DLG2: variants seen among roughly 807,000 people sequenced by gnomAD.
DLG2 encodes the protein disks large homolog 2.
In DLG2, 45 loss-of-function variants were observed where a neutral mutation model predicts 132.5. The ratio of observed to expected loss-of-function variants is 0.34; its 90% confidence interval spans 0.27 to 0.44. DLG2 has a LOEUF of 0.44. Among genes scored for constraint, DLG2 ranks in the 20% least tolerant of loss-of-function variants. The probability of loss-of-function intolerance (pLI) is 1.00; values close to 1 mark genes in which losing one functional copy is unlikely to be tolerated. For missense variants in DLG2, 1,045 were observed against 1,196.9 expected (o/e 0.87, Z 1.87); for synonymous variants, 424 against 419.6 (o/e 1.01, Z -0.13).
intron 4 of DLG2, among the ~76,000 whole-genome samples, chr11:85,245,129 A>G (rs575194065): frequency 3.3e-5 from 5 of 152,000 alleles, no homozygotes; most frequent in African/African-American, 1.2e-4. Context: ...AATATTGAAG[A>G]CTCCAGGAAT....
intron 6 of DLG2, among the ~76,000 whole-genome samples, chr11:84,878,927 C>T (rs552097416): frequency 1.6e-4 from 24 of 152,264 alleles, no homozygotes; most frequent in Middle Eastern, 6.8e-3. Flanking sequence ...ACTAGAATTC[C>T]TGTTTGTCTA....
chr11:85,303,042 G>A (rs1359032783), intron 3 of DLG2, among the ~76,000 whole-genome samples: 2 of 152,168 alleles, frequency 1.3e-5, no homozygotes, highest in Admixed American at 1.3e-4. Context: ...ACCCAGATTT[G>A]TTTGATTCCA....
At chr11:83,674,923 CA>C (rs1226942414) in intron 18 of DLG2, among the ~76,000 whole-genome samples, 1 of 152,238 alleles carries the variant, frequency 6.6e-6, no homozygotes, top group Non-Finnish European at 1.5e-5. Context: ...GGTGGATTGA[CA>C]GCACTGAGAC....
At chr11:84,440,115 T>C (rs1602153397) in intron 7 of DLG2, among the ~76,000 whole-genome samples, 2 of 152,218 alleles carry the variant, frequency 1.3e-5, no homozygotes, top group African/African-American at 2.4e-5. Flanking sequence ...GTGACCTTTT[T>C]TACACACCTG....
At chr11:83,556,973 T>C (rs2096532050) in intron 19 of DLG2, among the ~76,000 whole-genome samples, 5 of 151,720 alleles carry the variant, frequency 3.3e-5, no homozygotes, top group Admixed American at 6.6e-5. Flanking sequence ...GCCCATAATA[T>C]GAAGCCATGA....
At chr11:84,191,222 T>C (rs879046929) in intron 8 of DLG2, among the ~76,000 whole-genome samples, 1 of 152,206 alleles carries the variant, frequency 6.6e-6, no homozygotes, top group Non-Finnish European at 1.5e-5. Flanking sequence ...CCACTTTTTT[T>C]TAATGTATAA....
intron 6 of DLG2, among the ~76,000 whole-genome samples, chr11:85,017,711 G>A (rs1346204198): frequency 1.3e-5 from 2 of 152,148 alleles, no homozygotes; most frequent in African/African-American, 4.8e-5. Context: ...AATGGGAGAA[G>A]AAAAGCTACT....
chr11:84,571,387 T>C (rs2099484340), intron 6 of DLG2, among the ~76,000 whole-genome samples: 1 of 151,934 alleles, frequency 6.6e-6, no homozygotes, highest in Non-Finnish European at 1.5e-5. Context: ...CCTCCTCCTT[T>C]ATCTTTTCCT....
At chr11:83,716,906 A>T (rs947874765) in intron 18 of DLG2, among the ~76,000 whole-genome samples, 13 of 152,220 alleles carry the variant, frequency 8.5e-5, no homozygotes, top group African/African-American at 2.7e-4. Flanking sequence ...TAGGCATGAA[A>T]AAAATGTTAC....
Position 85,598,006 on chromosome 11 carries a change from T to C in DLG2, c.40+651A>G, listed in dbSNP as rs1231154667. 2.2e-5 allele frequency among the ~76,000 whole-genome samples: 3 copies of C among 135,520 alleles called. No individual in the cohort carries two copies. The East Asian group carries it at 5.9e-4, about 27-fold the overall frequency. 88.9% of individuals were successfully genotyped at this position (135,520 alleles called of 152,430 possible). Reference sequence around the variant, plus strand: ...TATTTGCACAAATATAAGAGATGTATATAAAAAAAAATATATAAATAAACC... The same window carrying C: ...TATTTGCACAAATATAAGAGATGTACATAAAAAAAAATATATAAATAAACC... On this transcript the variant is annotated intron_variant, in intron 3 of 27. Coordinates refer to ENST00000376104, the MANE Select transcript of DLG2 (RefSeq NM_001142699.3).
chr11:84,879,719 C>T (rs1400884842), intron 6 of DLG2, among the ~76,000 whole-genome samples: 2 of 152,098 alleles, frequency 1.3e-5, no homozygotes, highest in Non-Finnish European at 2.9e-5. Context: ...GACTGCCTGA[C>T]AGTATCTCAG....
chr11:85,384,434 A>G (rs1195880844), intron 3 of DLG2, among the ~76,000 whole-genome samples: 1 of 152,174 alleles, frequency 6.6e-6, no homozygotes, highest in Non-Finnish European at 1.5e-5. Flanking sequence ...TTGAACTATT[A>G]ATTGGAACTC....
intron 6 of DLG2, among the ~76,000 whole-genome samples, chr11:84,921,663 T>G (rs1482507433): frequency 6.6e-6 from 1 of 152,100 alleles, no homozygotes; most frequent in Non-Finnish European, 1.5e-5. Context: ...TTATCTAAAT[T>G]ATTTATGGAG....
At chr11:83,596,914 C>A (rs1262329684) in intron 19 of DLG2, among the ~76,000 whole-genome samples, 2 of 151,996 alleles carry the variant, frequency 1.3e-5, no homozygotes, top group African/African-American at 4.8e-5. Context: ...AATTGTTCTC[C>A]TCTCTCAGTT....
chr11:85,529,801 T>C (rs1230554537), intron 3 of DLG2, among the ~76,000 whole-genome samples: 1 of 152,186 alleles, frequency 6.6e-6, no homozygotes, highest in Non-Finnish European at 1.5e-5. Context: ...AATACAGTTA[T>C]ATGTTTTACA....
intron 6 of DLG2, among the ~76,000 whole-genome samples, chr11:84,804,439 T>C (rs574292097): frequency 1.2e-4 from 19 of 152,302 alleles, no homozygotes; most frequent in African/African-American, 4.3e-4. Context: ...CTTCCTACTA[T>C]GTACAAATAA....
At chr11:84,459,105 T>C (rs1362140178) in intron 7 of DLG2, among the ~76,000 whole-genome samples, 1 of 150,646 alleles carries the variant, frequency 6.6e-6, no homozygotes, top group Non-Finnish European at 1.5e-5. Context: ...TAATATGACA[T>C]GGATCTAACA....
intron 4 of DLG2, among the ~76,000 whole-genome samples, chr11:85,190,884 G>C (rs1431675608): frequency 6.6e-6 from 1 of 152,116 alleles, no homozygotes; most frequent in African/African-American, 2.4e-5. Context: ...GTGAAGAAAA[G>C]GGACAATTAT....
chr11:84,957,791 C>T (rs1450224137), intron 6 of DLG2, among the ~76,000 whole-genome samples: 3 of 152,170 alleles, frequency 2.0e-5, no homozygotes, highest in Admixed American at 6.5e-5. Flanking sequence ...TTAAGACTCA[C>T]GTGTATCATC....
Sources: gnomAD v4.1 joint callset for allele counts (sites outside exome capture counted in the v4.1 genomes callset) on GRCh38, gnomAD v4.1.1 for gene constraint, MANE v1.5 for transcripts, NCBI Gene and HGNC (gene_info 2026-07-23, HGNC 2026-07-21) for gene names.